The following NFYC variants were observed in gnomAD, a reference collection of about 807,000 sequenced individuals.
NFYC encodes nuclear transcription factor Y subunit gamma, also known as CAAT box DNA-binding protein subunit C.
In NFYC, 25 loss-of-function variants were observed where a neutral mutation model predicts 53.1. The observed-to-expected ratio is 0.47, with a 90% CI of 0.34 to 0.66. The LOEUF (loss-of-function observed/expected upper bound fraction) is 0.66. NFYC is among the 30% of genes least tolerant of loss of function. NFYC has a pLI of 0.01. For synonymous variants in NFYC, 145 were observed against 152.6 expected, an observed-to-expected ratio of 0.95 and a Z score of 0.37; for missense variants, 260 against 422.7, an observed-to-expected ratio of 0.62 and a Z score of 3.38.
chr1:40,735,161 GCCTGAGTGTCT>G (rs55887400), intron 1 of NFYC: 78,611 of 149,328 alleles, frequency 0.53, 21,136 homozygotes, highest in Non-Finnish European at 0.59. Flanking sequence ...GAAGGGGTGG[GCCTGAGTGTCT>G]CCTTATGTCT....
intron 4 of NFYC, among the ~76,000 whole-genome samples, chr1:40,750,198 C>A (rs989327337): frequency 6.6e-6 from 1 of 151,638 alleles, no homozygotes; most frequent in Non-Finnish European, 1.5e-5. Context: ...CACATTCATA[C>A]TGTATGCAGA....
chr1:40,711,863 G>A (rs539605984), intron 1 of NFYC, among the ~76,000 whole-genome samples: 37 of 152,178 alleles, frequency 2.4e-4, no homozygotes, highest in Non-Finnish European at 5.1e-4. Flanking sequence ...CAGTATTTGA[G>A]GCAGCATGGT....
intron 1 of NFYC, 128 bp downstream of exon 1, chr1:40,691,995 C>T (rs1288375913): frequency 1.1e-5 from 3 of 280,078 alleles, no homozygotes; most frequent in East Asian, 1.6e-4. Context: ...CTCGGTCCGT[C>T]CTGCCCGCCG....
At chr1:40,714,730 T>C (rs943229949) in intron 1 of NFYC, among the ~76,000 whole-genome samples, 1 of 151,854 alleles carries the variant, frequency 6.6e-6, no homozygotes, top group African/African-American at 2.4e-5. Flanking sequence ...TCCTCCCACC[T>C]CAGCCTCCGA....
intron 2 of NFYC, among the ~76,000 whole-genome samples, chr1:40,746,160 T>A (rs572372601): frequency 6.6e-6 from 1 of 152,352 alleles, no homozygotes; most frequent in Non-Finnish European, 1.5e-5. Context: ...AAACTGAACT[T>A]CTAAGTCTCT....
In NFYC at chr1:40,695,149, G is replaced by A. The variant is rs555016121; in HGVS notation, c.-9+3282G>A. Among the ~76,000 whole-genome samples the A allele has an allele frequency of 8.1e-4, 123 of 152,234 alleles. 1 individual carries two copies. Among genetic ancestry groups the A allele is most frequent in the African/African-American group, 2.9e-3 (119 of 41,524 alleles). On this transcript the variant is annotated intron_variant, in intron 1 of 9. Transcript: ENST00000447388. The stretch of plus-strand genomic sequence containing the variant: ...AGCTACTCGGAAGACTGAGGCAGGA[G>A]AATTGCTGGAACCCGGGAGGTAGAG...
chr1:40,702,920 G>A (rs138197228), intron 1 of NFYC, among the ~76,000 whole-genome samples: 10 of 152,024 alleles, frequency 6.6e-5, no homozygotes, highest in South Asian at 2.1e-4. Context: ...AGGTTCAAGC[G>A]ATTCTGCTGC....
chr1:40,713,477 G>C (rs1644011999), intron 1 of NFYC, among the ~76,000 whole-genome samples: 1 of 152,202 alleles, frequency 6.6e-6, no homozygotes, highest in Non-Finnish European at 1.5e-5. Flanking sequence ...AAATACTTTT[G>C]TAGGAGCTTC....
intron 1 of NFYC, among the ~76,000 whole-genome samples, chr1:40,716,326 A>AG (rs975557853): frequency 1.3e-5 from 2 of 151,968 alleles, no homozygotes; most frequent in African/African-American, 2.4e-5. Context: ...TCAGGGAGGT[A>AG]GGGACAAGGG....
chr1:40,763,468 T>G, intron 7 of NFYC: 1 of 448,928 alleles, frequency 2.2e-6, no homozygotes, highest in South Asian at 1.6e-5. Context: ...TGCCTCAGCC[T>G]CCCGAGTAGC....
chr1:40,762,868 C>T lies in NFYC; in HGVS notation c.562-20C>T. ...TCTGAGCCTGAACTCACGCAGCATTCTCATAACTCTTCCTTTCAGACCACA... is the reference window on the plus strand; with the variant it reads ...TCTGAGCCTGAACTCACGCAGCATTTTCATAACTCTTCCTTTCAGACCACA... On this transcript the variant is annotated intron_variant, in intron 6 of 9. Transcript: ENST00000447388. 1 of 1,560,426 alleles carries T rather than the reference C, an allele frequency of 6.4e-7. No individual in the cohort carries two copies. Among genetic ancestry groups the T allele is most frequent in the Non-Finnish European group, 8.7e-7 (1 of 1,149,062 alleles).
intron 4 of NFYC, among the ~76,000 whole-genome samples, chr1:40,750,762 G>GA (rs1214643907): frequency 6.6e-6 from 1 of 151,972 alleles, no homozygotes; most frequent in Non-Finnish European, 1.5e-5. Context: ...CAGACCTTCA[G>GA]AAAAAAAGAT....
intron 1 of NFYC, among the ~76,000 whole-genome samples, chr1:40,738,401 A>C (rs1316358211): frequency 6.6e-6 from 1 of 152,212 alleles, no homozygotes; most frequent in Non-Finnish European, 1.5e-5. Context: ...TTTTAATATA[A>C]GAATTTGCTG....
intron 1 of NFYC, among the ~76,000 whole-genome samples, chr1:40,718,598 A>G (rs997841314): frequency 6.6e-6 from 1 of 152,230 alleles, no homozygotes; most frequent in African/African-American, 2.4e-5. Flanking sequence ...TTTTGGAACA[A>G]AGCATGGTAC....
intron 1 of NFYC, among the ~76,000 whole-genome samples, chr1:40,716,400 G>A (rs1052091183): frequency 6.6e-6 from 1 of 152,192 alleles, no homozygotes; most frequent in Non-Finnish European, 1.5e-5. Context: ...GGGTTAAGGA[G>A]AGCAGTAAAT....
rs568978050 is a variant in NFYC, at chr1:40,692,192, G to A, written c.-9+325G>A. 18 of 168,698 alleles carry A rather than the reference G, an allele frequency of 1.1e-4. No individual in the cohort carries two copies. In the East Asian group the frequency reaches 2.1e-3, roughly 20 times the overall value. 10.5% of individuals were successfully genotyped at this position (168,698 alleles called of 1,614,324 possible). ...CACCTTATTGGACGCGCCAGCTCCGGTCTAGGGGGTGATGAAGGAATCTGA... is the reference window on the plus strand; with the variant it reads ...CACCTTATTGGACGCGCCAGCTCCGATCTAGGGGGTGATGAAGGAATCTGA... On this transcript the variant is annotated intron_variant, in intron 1 of 9. Coordinates refer to ENST00000447388, the MANE Select transcript of NFYC (RefSeq NM_014223.5).
chr1:40,698,465 C>T lies in NFYC; in HGVS notation c.-9+6598C>T, dbSNP rs551299128. Among the ~76,000 whole-genome samples, 16 of 151,982 alleles carry T rather than the reference C, an allele frequency of 1.1e-4. No homozygotes were observed. In the South Asian group the frequency reaches 2.3e-3, roughly 22 times the overall value. On this transcript the variant is annotated intron_variant, in intron 1 of 9. Transcript: ENST00000447388. ...TTTATTTGCTGGAGTCTTGCTCTGTCGCCCAGGCTGGAGTGCAGTGACATG... is the reference window on the plus strand; with the variant it reads ...TTTATTTGCTGGAGTCTTGCTCTGTTGCCCAGGCTGGAGTGCAGTGACATG...
chr1:40,753,155 A>G lies in NFYC; in HGVS notation c.296A>G (p.Asn99Ser). The change falls in exon 5 of 10, where the codon AAT becomes AGT. Residue 99 changes from asparagine (N) to serine (S), a missense_variant. Physicochemically the swap from Asn to Ser is conservative, Grantham distance 46. Coordinates refer to ENST00000447388, the MANE Select transcript of NFYC (RefSeq NM_014223.5). ...EDNKRRTLQR[N>S]DIAMAITKFD... Reference sequence around the variant, plus strand: ...CACCGCTCTTCTTTGTTACAGAGAAATGATATCGCCATGGCAATTACAAAA... The same window carrying G: ...CACCGCTCTTCTTTGTTACAGAGAAGTGATATCGCCATGGCAATTACAAAA... 1 of 1,611,028 alleles carries G rather than the reference A, an allele frequency of 6.2e-7. No individual in the cohort carries two copies. Among genetic ancestry groups the G allele is most frequent in the Non-Finnish European group, 8.5e-7 (1 of 1,177,398 alleles).
At chr1:40,746,096 A>C (rs1645593276) in intron 2 of NFYC, among the ~76,000 whole-genome samples, 1 of 152,202 alleles carries the variant, frequency 6.6e-6, no homozygotes, top group Non-Finnish European at 1.5e-5. Context: ...AGCAAGGGGA[A>C]AAACAAGAAT....
Sources: allele counts gnomAD v4.1 joint callset (sites outside exome capture counted in the v4.1 genomes callset), GRCh38; gene constraint gnomAD v4.1.1; transcripts MANE v1.5; gene names NCBI Gene and HGNC (gene_info 2026-07-23, HGNC 2026-07-21).